Variants in CCDC171 observed in about 807,000 individuals in gnomAD.
The protein encoded by CCDC171 is coiled-coil domain containing 171.
CCDC171 carries 177 observed loss-of-function variants against 168.2 expected under a neutral mutation model. The ratio of observed to expected loss-of-function variants is 1.05; its 90% CI spans 0.93 to 1.19. The LOEUF (loss-of-function observed/expected upper bound fraction) is 1.19, where lower values mean the gene tolerates loss of function less well. CCDC171 is among the 50% of genes most tolerant of loss of function. CCDC171 has a pLI of 0.00. For missense variants in CCDC171, 1,991 were observed against 1,539.0 expected (o/e 1.29, Z -4.91); for synonymous variants, 687 against 540.8 (o/e 1.27, Z -3.75).
chr9:16,013,237 T>C (rs1832920967), intron 3 of CCDC171, among the ~76,000 whole-genome samples: 1 of 152,206 alleles, frequency 6.6e-6, no homozygotes, highest in Admixed American at 6.5e-5. Context: ...CTCCTGCCTC[T>C]GTCCACCCTC....
At chr9:15,877,766 CTTATACT>C (rs1404352369) in intron 24 of CCDC171, among the ~76,000 whole-genome samples, 2 of 152,102 alleles carry the variant, frequency 1.3e-5, no homozygotes, top group African/African-American at 4.8e-5. Flanking sequence ...AAAGATTCTA[CTTATACT>C]TTATAAAGAT....
intron 25 of CCDC171, among the ~76,000 whole-genome samples, chr9:15,964,967 C>T (rs1166068985): frequency 2.2e-4 from 34 of 152,134 alleles, no homozygotes; most frequent in East Asian, 3.9e-4. Context: ...TTCACCATGT[C>T]GGTCAGGCTT....
At chr9:16,032,021 A>G (rs1341712833) in intron 6 of CCDC171, among the ~76,000 whole-genome samples, 2 of 152,216 alleles carry the variant, frequency 1.3e-5, no homozygotes, top group East Asian at 3.9e-4. Context: ...GCCCTGAGAG[A>G]AACATGTTCA....
chr9:16,007,535 A>G (rs1448378321), intron 3 of CCDC171, among the ~76,000 whole-genome samples: 2 of 152,254 alleles, frequency 1.3e-5, no homozygotes, highest in East Asian at 1.9e-4. Context: ...GGTATTTCAT[A>G]GGTTTTCTTC....
chr9:15,895,214 G>A (rs774327316), intron 24 of CCDC171, among the ~76,000 whole-genome samples: 5 of 152,092 alleles, frequency 3.3e-5, no homozygotes, highest in East Asian at 3.9e-4. Context: ...AAGAGATTAT[G>A]TATGCCATCA....
chr9:15,968,136 A>C (rs1365291732), intron 25 of CCDC171, among the ~76,000 whole-genome samples: 1 of 152,242 alleles, frequency 6.6e-6, no homozygotes, highest in Admixed American at 6.5e-5. Context: ...TAGCAGTTCA[A>C]ATAGAATCAT....
intron 8 of CCDC171, among the ~76,000 whole-genome samples, chr9:15,665,569 C>T (rs905522890): frequency 6.6e-6 from 1 of 152,138 alleles, no homozygotes; most frequent in African/African-American, 2.4e-5. Context: ...TCACTTGAAG[C>T]TAACAGTTTA....
At chr9:16,087,471 T>A in the CCDC171 span, among the ~76,000 whole-genome samples, 3 of 152,138 alleles carry the variant, frequency 2.0e-5, no homozygotes, top group Non-Finnish European at 4.4e-5. Context: ...TTGATCCCTT[T>A]GCCATTATGT....
At chr9:15,963,711 A>G (rs1830554246) in intron 25 of CCDC171, among the ~76,000 whole-genome samples, 2 of 152,034 alleles carry the variant, frequency 1.3e-5, no homozygotes, top group South Asian at 4.1e-4. Flanking sequence ...TGGTTATTAT[A>G]CTACTCTCTC....
chr9:15,774,553 A>G (rs1023916176), intron 18 of CCDC171, among the ~76,000 whole-genome samples: 3 of 152,238 alleles, frequency 2.0e-5, no homozygotes, highest in Non-Finnish European at 2.9e-5. Flanking sequence ...GTGGAGATTC[A>G]TTAAAGAACT....
At chr9:15,749,046 A>G (rs966301195) in intron 18 of CCDC171, among the ~76,000 whole-genome samples, 1 of 152,080 alleles carries the variant, frequency 6.6e-6, no homozygotes, top group Non-Finnish European at 1.5e-5. Context: ...GTCAAGACCC[A>G]TTGGTGTGCT....
intron 24 of CCDC171, among the ~76,000 whole-genome samples, chr9:15,891,256 T>G (rs1291956912): frequency 6.6e-6 from 1 of 152,184 alleles, no homozygotes; most frequent in Non-Finnish European, 1.5e-5. Context: ...GTCAGTAGCT[T>G]AAATGCACTT....
At chr9:15,765,838 G>A (rs1047344859) in intron 18 of CCDC171, among the ~76,000 whole-genome samples, 2 of 152,098 alleles carry the variant, frequency 1.3e-5, no homozygotes, top group African/African-American at 4.8e-5. Flanking sequence ...AGTTATAATT[G>A]TTGGGAGAAA....
At chr9:16,022,448 A>C (rs562185779) in exon 5 of CCDC171, 4 of 152,434 alleles carry the variant, frequency 2.6e-5, no homozygotes, top group Non-Finnish European at 5.9e-5. Flanking sequence ...ACCTGCGCTC[A>C]CTAGGCCTAT....
At position 15,729,612 on chromosome 9, in the gene CCDC171, A is replaced by T; in HGVS notation, c.1863A>T (p.Ile621=). 6.2e-7 allele frequency: 1 copy of T among 1,602,800 alleles called. No individual in the cohort carries two copies. The change falls in exon 16 of 26, where the codon ATA becomes ATT. Residue 621 remains isoleucine (I), a splice_region_variant and synonymous_variant. Coordinates refer to ENST00000380701, the MANE Select transcript of CCDC171 (RefSeq NM_173550.4). ...IADLNRANEK[I]RHLEYICKNK... is the part of the protein sequence containing the mutation. ...CTCTGTTGCATCTCCCCGTATAGAT[A>T]AGGCATCTAGAGTATATCTGTAAAA...
intron 21 of CCDC171, among the ~76,000 whole-genome samples, chr9:15,802,732 C>T (rs2058887055): frequency 6.6e-6 from 1 of 152,054 alleles, no homozygotes; most frequent in Non-Finnish European, 1.5e-5. Flanking sequence ...ATGCATGTGC[C>T]TTTATAATAG....
chr9:15,778,476 CA>C (rs2057464906), intron 19 of CCDC171, among the ~76,000 whole-genome samples: 5 of 151,036 alleles, frequency 3.3e-5, no homozygotes. Context: ...CCGCCTCTAC[CA>C]AAAATACAAA....
intron 21 of CCDC171, among the ~76,000 whole-genome samples, chr9:15,787,607 G>T (rs941053474): frequency 6.6e-6 from 1 of 151,772 alleles, no homozygotes; most frequent in Non-Finnish European, 1.5e-5. Flanking sequence ...TAAATGTTAC[G>T]CACATATCTG....
chr9:15,638,757 T>C (rs896755666), intron 7 of CCDC171, among the ~76,000 whole-genome samples: 4 of 151,552 alleles, frequency 2.6e-5, no homozygotes, highest in African/African-American at 9.7e-5. Context: ...AATGCTTTCT[T>C]AGATTAAAAA....
Sources: allele counts gnomAD v4.1 joint callset (sites outside exome capture counted in the v4.1 genomes callset), GRCh38; gene constraint gnomAD v4.1.1; transcripts MANE v1.5; gene names NCBI Gene and HGNC (gene_info 2026-07-23, HGNC 2026-07-21).